MCRS1: variants seen among roughly 807,000 people sequenced by gnomAD.
MCRS1 encodes 58 kDa microspherule protein.
A neutral mutation model predicts 62.9 loss-of-function variants in MCRS1; 22 were observed. The observed-to-expected ratio is 0.35, with a 90% confidence interval of 0.25 to 0.50. MCRS1 has a LOEUF of 0.50. Among genes scored for constraint, MCRS1 ranks in the 20% least tolerant of loss-of-function variants. The pLI is 0.98. For synonymous variants in MCRS1, 244 were observed against 233.5 expected, an observed-to-expected ratio of 1.04 and a Z score of -0.41; for missense variants, 456 against 601.1, an observed-to-expected ratio of 0.76 and a Z score of 2.52.
Position 49,564,832 on chromosome 12 carries a change from G to A in MCRS1, c.352C>T (p.Arg118Cys), listed in dbSNP as rs1420075161. ...AGTGGCTGTTTACTCTTCTTCACAC[G>A]CTTGGTGAGTCCAGGGGCTGGGGCT... The part of the protein sequence containing the change: ...SPAPAPGLTK[R>C]VKKSKQPLQV... Residue 118 changes from arginine to cysteine, a missense_variant, in exon 5 of 15, where the codon CGT becomes TGT. Physicochemically the swap from Arg to Cys is radical, Grantham distance 180. This residue lies in a region of MCRS1 where 393 missense variants were observed against 523.5 expected (regional missense o/e 0.75). Coordinates refer to ENST00000343810, the MANE Select transcript of MCRS1 (RefSeq NM_006337.5). 9 of 1,614,072 alleles carry A rather than the reference G, an allele frequency of 5.6e-6. No homozygotes were observed. The highest frequency in any genetic ancestry group is 1.1e-5 in the South Asian group (1 of 91,074).
chr12:49,560,486 C>T, intron 8 of MCRS1, 116 bp from the exon 9 acceptor site: 1 of 889,510 alleles, frequency 1.1e-6, no homozygotes. Flanking sequence ...AGCCCAGCAC[C>T]AGCAAGGGTG....
chr12:49,559,424 T>A lies in MCRS1; in HGVS notation c.1086+29A>T, dbSNP rs145122526. On this transcript the variant is annotated intron_variant, in intron 12 of 14. Transcript: ENST00000343810. The surrounding 1 kb of genome is among the most constrained non-coding windows in gnomAD (Gnocchi z 5.2). ...AAAGGCACTGACAGAGGAAGCAGCCTAAGAAGGGCGGGGATGGGCCTGCCT... is the reference window on the plus strand; with the variant it reads ...AAAGGCACTGACAGAGGAAGCAGCCAAAGAAGGGCGGGGATGGGCCTGCCT... 1.6e-3 allele frequency: 2,584 copies of A among 1,613,622 alleles called. 2 individuals are homozygous for A. Among genetic ancestry groups the A allele is most frequent in the Non-Finnish European group, 2.1e-3 (2,436 of 1,179,744 alleles).
At position 49,563,541 on chromosome 12, in the gene MCRS1, G is replaced by A. The variant is rs1413481192; in HGVS notation, c.563C>T (p.Ala188Val). 1 of 1,608,946 alleles carries A rather than the reference G, an allele frequency of 6.2e-7. No homozygotes were observed. The highest frequency in any genetic ancestry group is 1.1e-5 in the South Asian group (1 of 90,482). Reference protein sequence around the residue: ...LLYDPVISKLACQAMRQLHPE... With the variant: ...LLYDPVISKLVCQAMRQLHPE... Reference sequence around the variant, plus strand: ...GTGCAGCTGCCTCATGGCCTGACAGGCCAACCTGGACACGGAAAGAGACAG... The same window carrying A: ...GTGCAGCTGCCTCATGGCCTGACAGACCAACCTGGACACGGAAAGAGACAG... Residue 188 changes from alanine (A) to valine (V), a missense_variant, in exon 7 of 15, where the codon GCC (alanine) becomes GTC (valine). Physicochemically the swap from Ala to Val is moderately conservative, Grantham distance 64 (BLOSUM62 0). Around this residue, in one of 3 missense-constraint regions of MCRS1, gnomAD observed 393 missense variants for 523.5 expected, o/e 0.75. Transcript: ENST00000343810.
chr12:49,558,406 T>G lies in MCRS1; in HGVS notation c.*237A>C, dbSNP rs140441357. ...GTGAAGGTGGCAATGGGGGGTAGGGTTGTTTTTAGAGAGAGGAAGATGGGG... is the reference window on the plus strand; with the variant it reads ...GTGAAGGTGGCAATGGGGGGTAGGGGTGTTTTTAGAGAGAGGAAGATGGGG... On this transcript the variant is annotated 3_prime_UTR_variant, in exon 15 of 15. Coordinates refer to ENST00000343810, the MANE Select transcript of MCRS1 (RefSeq NM_006337.5). 1 of 537,826 alleles carries G rather than the reference T, an allele frequency of 1.9e-6. No individual in the cohort carries two copies. The highest frequency in any genetic ancestry group is 3.0e-5 in the South Asian group (1 of 32,928). 33.3% of individuals were successfully genotyped at this position (537,826 alleles called of 1,614,324 possible).
Position 49,559,507 on chromosome 12 carries a change from C to A in MCRS1, c.1032G>T (p.Gln344His). ...TGCGGCCCCGCAGCACTGCCAGTGT[C>A]TGGTTGTCGAAGTCCGGAGAGCTCA... ...TGMSSPDFDN[Q>H]TLAVLRGRMV... Residue 344 changes from glutamine (Q) to histidine (H), a missense_variant, in exon 12 of 15, where the codon CAG (glutamine) becomes CAT (histidine). Gln to His is a conservative substitution (Grantham distance 24). This residue lies in a region of MCRS1 where 393 missense variants were observed against 523.5 expected (regional missense o/e 0.75). Coordinates refer to ENST00000343810, the MANE Select transcript of MCRS1 (RefSeq NM_006337.5). This position sits in a 1 kb window ranked among gnomAD's most constrained non-coding sequence, Gnocchi z 5.2. 1 of 1,612,212 alleles carries A rather than the reference C, an allele frequency of 6.2e-7. No individual in the cohort carries two copies.
rs1938856475 is a variant in MCRS1 at position 49,563,070 on chromosome 12, G to A, written c.736C>T (p.Arg246Cys). The change falls in exon 8 of 15, where the codon CGT becomes TGT. Residue 246 changes from arginine to cysteine, a missense_variant. Arg to Cys is a radical substitution (Grantham distance 180). Transcript: ENST00000343810. The stretch of plus-strand genomic sequence containing the variant: ...TGGGCCTGCAGGGCCTTCGCGGTAC[G>A]GGCCAGGTAGAAGGCATCAGGGTGT... ...HRHPDAFYLARTAKALQAHWQ... is the reference protein window; with the variant it reads ...HRHPDAFYLACTAKALQAHWQ... The A allele has an allele frequency of 1.3e-6, 2 of 1,575,594 alleles. No individual in the cohort carries two copies. Among genetic ancestry groups the A allele is most frequent in the Non-Finnish European group, 8.6e-7 (1 of 1,158,542 alleles).
At position 49,558,393 on chromosome 12, in the gene MCRS1, A is replaced by G; in HGVS notation, c.*250T>C. The stretch of plus-strand genomic sequence containing the variant: ...TGGAGACACAGGAGTGAAGGTGGCA[A>G]TGGGGGGTAGGGTTGTTTTTAGAGA... On this transcript the variant is annotated 3_prime_UTR_variant, in exon 15 of 15. Coordinates refer to ENST00000343810, the MANE Select transcript of MCRS1 (RefSeq NM_006337.5). 1 of 519,898 alleles carries G rather than the reference A, an allele frequency of 1.9e-6. No individual in the cohort carries two copies. The highest frequency in any genetic ancestry group is 3.4e-6 in the Non-Finnish European group (1 of 295,812). The allele number at this position is 519,898 out of a possible 1,614,324, so 32.2% of individuals were successfully genotyped here.
In MCRS1 at chr12:49,559,996, A is replaced by T. The variant is rs1375625361; in HGVS notation, c.882-29T>A. 1 of 1,614,110 alleles carries T rather than the reference A, an allele frequency of 6.2e-7. No individual in the cohort carries two copies. The highest frequency in any genetic ancestry group is 8.5e-7 in the Non-Finnish European group (1 of 1,179,986). The stretch of plus-strand genomic sequence containing the variant: ...AGGGGCAAGAAGAGAAGGAAGATTT[A>T]GGTCCACCTTCAGCTTGCCTGTTAC... On this transcript the variant is annotated intron_variant, in intron 9 of 14. Transcript: ENST00000343810. The surrounding 1 kb of genome is among the most constrained non-coding windows in gnomAD (Gnocchi z 5.2).
chr12:49,561,342 T>C (rs138979456), intron 8 of MCRS1, among the ~76,000 whole-genome samples: 23 of 152,232 alleles, frequency 1.5e-4, no homozygotes, highest in African/African-American at 5.1e-4. Flanking sequence ...GGAGGGGCCA[T>C]AGATGCTCCT....
At position 49,558,586 on chromosome 12, in the gene MCRS1, G is replaced by C. The variant is rs1938571776; in HGVS notation, c.*57C>G. 3 of 1,556,518 alleles carry C rather than the reference G, an allele frequency of 1.9e-6. No homozygotes were observed. Among genetic ancestry groups the C allele is most frequent in the Non-Finnish European group, 2.6e-6 (3 of 1,132,706 alleles). ...GGAGCCTGAGTTCCCAGCTCAAGGG[G>C]GCTGGAGTGGCAGGGGAAACAGGCC... On this transcript the variant is annotated 3_prime_UTR_variant, in exon 15 of 15. Transcript: ENST00000343810.
intron 5 of MCRS1, 42 bp downstream of exon 5, chr12:49,564,695 T>C (rs751822785): frequency 3.7e-6 from 6 of 1,600,884 alleles, no homozygotes; most frequent in Admixed American, 1.7e-5. Context: ...GAACTGGAGG[T>C]TGGGGGAAAG....
chr12:49,562,471 G>A (rs1938820154), intron 8 of MCRS1, among the ~76,000 whole-genome samples: 1 of 152,188 alleles, frequency 6.6e-6, no homozygotes, highest in African/African-American at 2.4e-5. Context: ...TCCCAGTGGG[G>A]ATTTATGAAT....
chr12:49,559,375 T>C lies in MCRS1; in HGVS notation c.1087-74A>G, dbSNP rs1938629840. ...TAGGTCTATGCAGGCCAGAGAAAGA[T>C]GGGAAACCAAGGACTACGCAGAGAA... On this transcript the variant is annotated intron_variant, in intron 12 of 14. Coordinates refer to ENST00000343810, the MANE Select transcript of MCRS1 (RefSeq NM_006337.5). The surrounding 1 kb of genome is among the most constrained non-coding windows in gnomAD (Gnocchi z 5.2). The C allele has an allele frequency of 4.4e-6, 7 of 1,608,692 alleles. No individual in the cohort carries two copies. The highest frequency in any genetic ancestry group is 1.7e-4 in the Middle Eastern group (1 of 6,054).
chr12:49,564,622 T>C, intron 5 of MCRS1, 32 bp from the exon 6 acceptor site: 1 of 1,608,622 alleles, frequency 6.2e-7, no homozygotes, highest in Non-Finnish European at 8.5e-7. Flanking sequence ...TGCTCCAGCC[T>C]TGGAGCTGGG....
rs1358598284 is a variant in MCRS1 at position 49,559,498 on chromosome 12, T to C, written c.1041A>G (p.Ala347=). The C allele has an allele frequency of 3.7e-6, 6 of 1,612,550 alleles. No homozygotes were observed. In the East Asian group the frequency reaches 1.1e-4, roughly 30 times the overall value. ...SSPDFDNQTL[A]VLRGRMVRYL... ...ACCGCACCATGCGGCCCCGCAGCAC[T>C]GCCAGTGTCTGGTTGTCGAAGTCCG... Residue 347 remains alanine (A), a synonymous_variant, in exon 12 of 15, where the codon GCA becomes GCG. Transcript: ENST00000343810. The surrounding 1 kb of genome is among the most constrained non-coding windows in gnomAD (Gnocchi z 5.2).
chr12:49,566,353 G>T, intron 2 of MCRS1, 138 bp from the exon 3 acceptor site: 1 of 1,567,130 alleles, frequency 6.4e-7, no homozygotes, highest in East Asian at 2.3e-5. Context: ...TTTTAAGGTA[G>T]AGTTCCTTGG....
chr12:49,559,551 G>C lies in MCRS1; in HGVS notation c.1004-16C>G. On this transcript the variant is annotated splice_polypyrimidine_tract_variant and intron_variant, in intron 11 of 14. Transcript: ENST00000343810. This position sits in a 1 kb window ranked among gnomAD's most constrained non-coding sequence, Gnocchi z 5.2. ...GAGCTCATGCCTGGGAGAAGAGGGA[G>C]TTTGGAAGAGCCTACCCCTGAGGGC... The C allele has an allele frequency of 1.2e-6, 2 of 1,608,022 alleles. No homozygotes were observed. The highest frequency in any genetic ancestry group is 1.7e-6 in the Non-Finnish European group (2 of 1,179,860).
intron 5 of MCRS1, 72 bp from the exon 6 acceptor site, chr12:49,564,662 C>T: frequency 2.5e-6 from 4 of 1,606,364 alleles, no homozygotes; most frequent in Non-Finnish European, 3.4e-6. Flanking sequence ...CCACAGGGCC[C>T]TGTTGGGCTA....
Position 49,559,681 on chromosome 12 carries a change from G to A in MCRS1, c.1003+48C>T. ...AGGCAGCAACAGGGGCACAGGCTGG[G>A]GCGAAGGATGCTGAAGAGTGAGCCT... On this transcript the variant is annotated intron_variant, in intron 11 of 14. Coordinates refer to ENST00000343810, the MANE Select transcript of MCRS1 (RefSeq NM_006337.5). This position sits in a 1 kb window ranked among gnomAD's most constrained non-coding sequence, Gnocchi z 5.2. 2 of 1,608,618 alleles carry A rather than the reference G, an allele frequency of 1.2e-6. No homozygotes were observed. Among genetic ancestry groups the A allele is most frequent in the Non-Finnish European group, 1.7e-6 (2 of 1,175,678 alleles).
Sources: allele counts gnomAD v4.1 joint callset (sites outside exome capture counted in the v4.1 genomes callset), GRCh38; gene constraint gnomAD v4.1.1; regional missense constraint gnomAD v4.1.1; non-coding constraint Gnocchi (gnomAD v3.1); transcripts MANE v1.5; gene names NCBI Gene and HGNC (gene_info 2026-07-23, HGNC 2026-07-21).